Variants in MED14 observed in about 807,000 individuals in gnomAD.
MED14 encodes the protein mediator complex subunit 14.
A neutral mutation model predicts 109.0 loss-of-function variants in MED14; 8 were observed. The ratio of observed to expected loss-of-function variants is 0.07; its 90% confidence interval spans 0.04 to 0.13. The LOEUF (loss-of-function observed/expected upper bound fraction) is 0.13. Ranked by LOEUF, MED14 falls within the 10% of genes least tolerant of loss-of-function variation. The pLI, the probability that MED14 is intolerant of heterozygous loss-of-function variation, is 1.00. For synonymous variants in MED14, 399 were observed against 408.7 expected (o/e 0.98, Z 0.29); for missense variants, 711 against 1,142.4 (o/e 0.62, Z 5.44).
chrX:40,722,265 A>G (rs1397090060), intron 3 of MED14, among the ~76,000 whole-genome samples: 1 of 112,239 alleles, frequency 8.9e-6, no homozygotes, highest in African/African-American at 3.2e-5. Context: ...AGAGATTGAA[A>G]TAATTTTTTT....
chrX:40,703,382 ATTTTGT>A, intron 11 of MED14, 56 bp downstream of exon 11: 1 of 1,005,488 alleles, frequency 9.9e-7, no homozygotes, highest in Non-Finnish European at 1.4e-6. Context: ...GAAAATGTTT[ATTTTGT>A]TTTTGTTAAA....
chrX:40,733,172 A>T (rs1932140813), intron 1 of MED14, among the ~76,000 whole-genome samples: 1 of 107,511 alleles, frequency 9.3e-6, no homozygotes, highest in Non-Finnish European at 1.9e-5. Context: ...TGGTGCGAAC[A>T]TGCTCACTGC....
At chrX:40,692,109 T>C in intron 15 of MED14, 74 bp downstream of exon 15, 2 of 992,649 alleles carry the variant, frequency 2.0e-6, no homozygotes, top group South Asian at 2.2e-5. Context: ...ATGGAATCTA[T>C]ATATACCCTC....
intron 13 of MED14, among the ~76,000 whole-genome samples, chrX:40,694,248 CT>C (rs1453299741): frequency 9.0e-6 from 1 of 111,556 alleles, no homozygotes; most frequent in Non-Finnish European, 1.9e-5. Context: ...AAGCAAGTTA[CT>C]TGCCCAAGGT....
At chrX:40,734,077 AT>A (rs1052380022) in intron 1 of MED14, among the ~76,000 whole-genome samples, 3 of 111,644 alleles carry the variant, frequency 2.7e-5, no homozygotes, top group African/African-American at 9.8e-5. Context: ...AGTTTTCAAC[AT>A]TTTTTTTCCC....
At position 40,649,965 on chromosome X, in the gene MED14, A is replaced by G; in HGVS notation, c.*1841T>C. ...CAATTAACATTTCAAAACCACATTA[A>G]AAGGGAAAATACCTAAAAAGTTAAC... On this transcript the variant is annotated 3_prime_UTR_variant, in exon 31 of 31. Transcript: ENST00000324817. 1 of 751,135 alleles carries G rather than the reference A, an allele frequency of 1.3e-6. No individual in the cohort carries two copies. Among genetic ancestry groups the G allele is most frequent in the Non-Finnish European group, 1.6e-6 (1 of 635,517 alleles). 61.9% of individuals were successfully genotyped at this position (751,135 alleles called of 1,213,427 possible). A position where few individuals can be genotyped will look rare whatever the true frequency, so the allele number is the denominator to read the frequency against.
Position 40,675,365 on chromosome X carries a change from C to A in MED14, c.2881-4G>T. The A allele has an allele frequency of 1.7e-6, 2 of 1,143,840 alleles. No individual in the cohort carries two copies. Among genetic ancestry groups the A allele is most frequent in the Non-Finnish European group, 2.3e-6 (2 of 864,129 alleles). 94.3% of individuals were successfully genotyped at this position (1,143,840 alleles called of 1,213,427 possible). A position where few individuals can be genotyped will look rare whatever the true frequency, so the allele number is the denominator to read the frequency against. On this transcript the variant is annotated splice_polypyrimidine_tract_variant and splice_region_variant and intron_variant, in intron 21 of 30. Coordinates refer to ENST00000324817, the MANE Select transcript of MED14 (RefSeq NM_004229.4). ...CAACAAACATATTCAGGAACGTCTACGGATATAAACAGGTAAAATTTAGAT... is the reference window on the plus strand; with the variant it reads ...CAACAAACATATTCAGGAACGTCTAAGGATATAAACAGGTAAAATTTAGAT...
At chrX:40,660,624 C>A (rs1460186918) in intron 26 of MED14, among the ~76,000 whole-genome samples, 1 of 111,372 alleles carries the variant, frequency 9.0e-6, no homozygotes, top group East Asian at 2.8e-4. Context: ...GACATAGCAC[C>A]AGGGGCCGTA....
In MED14 at chrX:40,735,339, G is replaced by A. The variant is rs1241153794; in HGVS notation, c.74C>T (p.Pro25Leu). ...GGGGGGSGGP[P>L]SAPAPPPPGA... ...CGGGGGAGGAGGGGCTGGGGCTGAC[G>A]GGGGTCCGCCGCTGCCCCCGCCGCC... The change falls in exon 1 of 31, where the codon CCG (proline) becomes CTG (leucine). Residue 25 changes from proline (P) to leucine (L), a missense_variant. Physicochemically the swap from Pro to Leu is moderately conservative, Grantham distance 98 (BLOSUM62 -3). Around this residue, in one of 8 missense-constraint regions of MED14, gnomAD observed 62 missense variants for 55.2 expected, o/e 1.12. Transcript: ENST00000324817. 1.8e-6 allele frequency: 2 copies of A among 1,083,555 alleles called. No homozygotes were observed. Among genetic ancestry groups the A allele is most frequent in the South Asian group, 2.4e-5 (1 of 41,665 alleles). The allele number at this position is 1,083,555 out of a possible 1,213,427, so 89.3% of individuals were successfully genotyped here. A position where few individuals can be genotyped will look rare whatever the true frequency, so the allele number is the denominator to read the frequency against.
intron 2 of MED14, 33 bp downstream of exon 2, chrX:40,729,286 G>A: frequency 1.7e-6 from 2 of 1,183,330 alleles, no homozygotes; most frequent in Non-Finnish European, 1.1e-6. Flanking sequence ...GATCAATAAA[G>A]AGACTTTAAG....
rs188729693 is a variant in MED14 at position 40,648,463 on chromosome X, A to G, written c.*3343T>C. ...GTTTAGGAGCACTAGCTCAGACTCA[A>G]ACTGCCCCTTCTTAGCAGTTTGATC... On this transcript the variant is annotated 3_prime_UTR_variant, in exon 31 of 31. Coordinates refer to ENST00000324817, the MANE Select transcript of MED14 (RefSeq NM_004229.4). 8.9e-6 allele frequency: 1 copy of G among 112,148 alleles called. No homozygotes were observed. The highest frequency in any genetic ancestry group is 9.4e-5 in the Admixed American group (1 of 10,613). The allele number at this position is 112,148 out of a possible 1,213,427, so 9.2% of individuals were successfully genotyped here.
chrX:40,685,609 G>A (rs2146662301), intron 16 of MED14, among the ~76,000 whole-genome samples: 1 of 112,261 alleles, frequency 8.9e-6, no homozygotes, highest in Non-Finnish European at 1.9e-5. Flanking sequence ...AAGGTGGGAA[G>A]TTTGCTGAAG....
intron 21 of MED14, among the ~76,000 whole-genome samples, chrX:40,676,613 C>T (rs905776835): frequency 2.7e-5 from 3 of 111,785 alleles, no homozygotes; most frequent in African/African-American, 9.8e-5. Context: ...TGTCCCCACC[C>T]GAATCTCATC....
chrX:40,676,232 C>T (rs1170955846), intron 21 of MED14, among the ~76,000 whole-genome samples: 4 of 111,774 alleles, frequency 3.6e-5, no homozygotes, highest in African/African-American at 9.8e-5. Flanking sequence ...TGCAGTGAGC[C>T]GTGATCCCAC....
intron 23 of MED14, among the ~76,000 whole-genome samples, chrX:40,668,673 C>A (rs916013530): frequency 8.9e-6 from 1 of 111,773 alleles, no homozygotes; most frequent in African/African-American, 3.3e-5. Flanking sequence ...TCCAAGACCC[C>A]CAGTGGATGC....
intron 10 of MED14, among the ~76,000 whole-genome samples, chrX:40,707,928 A>C (rs1931210660): frequency 8.9e-6 from 1 of 111,991 alleles, no homozygotes; most frequent in Admixed American, 9.5e-5. Context: ...AGCTGTTAAG[A>C]AAAAAAGACG....
chrX:40,656,345 A>C (rs1929054551), intron 28 of MED14, among the ~76,000 whole-genome samples: 1 of 112,196 alleles, frequency 8.9e-6, no homozygotes, highest in Admixed American at 9.4e-5. Context: ...CCAAGGGGCT[A>C]ACTTCGCTAA....
intron 15 of MED14, among the ~76,000 whole-genome samples, chrX:40,689,721 T>C (rs1039027177): frequency 9.0e-6 from 1 of 111,549 alleles, no homozygotes; most frequent in Non-Finnish European, 1.9e-5. Flanking sequence ...AAACATCCCT[T>C]ATAAGATGAG....
At position 40,662,850 on chromosome X, in the gene MED14, A is replaced by T. The variant is rs186862598; in HGVS notation, c.3684+75T>A. On this transcript the variant is annotated intron_variant, in intron 26 of 30. Transcript: ENST00000324817. The stretch of plus-strand genomic sequence containing the variant: ...AGGTGAAGGAATGTCACGTTAGTTC[A>T]GATCCTATCCTGCAGGACAATTTAG... 6.3e-4 allele frequency: 486 copies of T among 772,118 alleles called. 1 individual carries two copies. The African/African-American group carries it at 8.9e-3, about 14-fold the overall frequency. 63.6% of individuals were successfully genotyped at this position (772,118 alleles called of 1,213,427 possible).
Sources: allele counts gnomAD v4.1 joint callset (sites outside exome capture counted in the v4.1 genomes callset), GRCh38; gene constraint gnomAD v4.1.1; regional missense constraint gnomAD v4.1.1; transcripts MANE v1.5; gene names NCBI Gene and HGNC (gene_info 2026-07-23, HGNC 2026-07-21).